Variants in TBL1XR1 observed in about 807,000 individuals in gnomAD.
TBL1XR1 encodes the protein TBL1X/Y related 1.
In TBL1XR1, 5 loss-of-function variants were observed where a neutral mutation model predicts 66.9. The observed-to-expected ratio is 0.07, with a 90% confidence interval of 0.04 to 0.16. The LOEUF (loss-of-function observed/expected upper bound fraction) is 0.16. Ranked by LOEUF, TBL1XR1 falls within the 10% of genes least tolerant of loss-of-function variation. The pLI is 1.00. For synonymous variants in TBL1XR1, 210 were observed against 206.0 expected (o/e 1.02, Z -0.17); for missense variants, 238 against 623.2 (o/e 0.38, Z 6.58).
chr3:177,173,244 C>A, intron 1 of TBL1XR1, among the ~76,000 whole-genome samples: 1 of 152,142 alleles, frequency 6.6e-6, no homozygotes. Flanking sequence ...GTGATTTTAA[C>A]ATATGTCCAC....
chr3:177,152,779 A>AC (rs540142728), intron 1 of TBL1XR1, among the ~76,000 whole-genome samples: 6 of 152,118 alleles, frequency 3.9e-5, no homozygotes, highest in Non-Finnish European at 8.8e-5. Context: ...ATCCCTAATT[A>AC]CCTTATTATT....
rs1712110982 is a variant in TBL1XR1, at chr3:177,019,682, A to G, written c.*5816T>C. The G allele has an allele frequency of 6.6e-6, 1 of 152,202 alleles. No homozygotes were observed. Among genetic ancestry groups the G allele is most frequent in the Non-Finnish European group, 1.5e-5 (1 of 68,026 alleles). The allele number at this position is 152,202 out of a possible 1,614,324, so 9.4% of individuals were successfully genotyped here. ...CTAGGTAATAAATCTAATCCATTGT[A>G]AAGTGTTAACTATGAAATTAAAAAT... On this transcript the variant is annotated 3_prime_UTR_variant, in exon 16 of 16. Transcript: ENST00000457928.
At chr3:177,167,188 T>C (rs1417140923) in intron 1 of TBL1XR1, among the ~76,000 whole-genome samples, 1 of 152,064 alleles carries the variant, frequency 6.6e-6, no homozygotes, top group Non-Finnish European at 1.5e-5. Context: ...TATCAAACCA[T>C]GAAAGGACAT....
intron 1 of TBL1XR1, among the ~76,000 whole-genome samples, chr3:177,111,210 C>T (rs1343313340): frequency 1.3e-5 from 2 of 151,598 alleles, no homozygotes; most frequent in African/African-American, 2.4e-5. Context: ...AATCCACAAA[C>T]GATACAAAAG....
intron 14 of TBL1XR1, among the ~76,000 whole-genome samples, chr3:177,030,106 A>ATG (rs926533880): frequency 2.1e-3 from 311 of 148,040 alleles, no homozygotes; most frequent in East Asian, 0.01. Flanking sequence ...GTGTGTGTGT[A>ATG]TGTGTGTGTG....
At chr3:177,154,846 C>G (rs1324320589) in intron 1 of TBL1XR1, among the ~76,000 whole-genome samples, 5 of 151,942 alleles carry the variant, frequency 3.3e-5, no homozygotes, top group Non-Finnish European at 7.4e-5. Flanking sequence ...AAAAATAATA[C>G]AAAATACTGA....
At chr3:177,026,254 AT>A (rs1298949150) in intron 15 of TBL1XR1, 118 bp downstream of exon 15, 2 of 772,486 alleles carry the variant, frequency 2.6e-6, no homozygotes, top group Non-Finnish European at 4.1e-6. Flanking sequence ...AAAAAAAAAA[AT>A]CAGTATCATA....
chr3:177,140,937 T>C (rs929798610), intron 1 of TBL1XR1, among the ~76,000 whole-genome samples: 4 of 152,204 alleles, frequency 2.6e-5, no homozygotes, highest in South Asian at 2.1e-4. Context: ...TTAGTGTATA[T>C]TATATATGGC....
chr3:177,168,627 A>G (rs1246176725), intron 1 of TBL1XR1, among the ~76,000 whole-genome samples: 1 of 152,118 alleles, frequency 6.6e-6, no homozygotes, highest in Non-Finnish European at 1.5e-5. Context: ...TTTCACAATC[A>G]GTTGTTACTG....
chr3:177,083,625 A>G (rs574508467), intron 2 of TBL1XR1, among the ~76,000 whole-genome samples: 1 of 152,252 alleles, frequency 6.6e-6, no homozygotes, highest in East Asian at 1.9e-4. Flanking sequence ...AACATATAGA[A>G]AAAAAATGAA....
chr3:177,054,108 C>CTTTA (rs1269452649), intron 3 of TBL1XR1, among the ~76,000 whole-genome samples, 190 bp from the exon 4 acceptor site: 1 of 151,726 alleles, frequency 6.6e-6, no homozygotes, highest in Non-Finnish European at 1.5e-5. Flanking sequence ...ACATGTCAGC[C>CTTTA]TTTACATACT....
rs973516587 is a variant in TBL1XR1, at chr3:177,189,625, G to C, written c.-122+7496C>G. 2.2e-5 allele frequency among the ~76,000 whole-genome samples: 3 copies of C among 136,476 alleles called. No individual in the cohort carries two copies. The South Asian group carries it at 6.4e-4, about 29-fold the overall frequency. 89.5% of individuals were successfully genotyped at this position (136,476 alleles called of 152,430 possible). A position where few individuals can be genotyped will look rare whatever the true frequency, so the allele number is the denominator to read the frequency against. On this transcript the variant is annotated intron_variant, in intron 1 of 15. Coordinates refer to ENST00000457928, the MANE Select transcript of TBL1XR1 (RefSeq NM_024665.7). ...AGCGGAGATCACATCCAGCCAGTCT[G>C]GGAGACAGAGCAAGACTCCATCTCA...
At chr3:177,157,648 A>C (rs1009653655) in intron 1 of TBL1XR1, among the ~76,000 whole-genome samples, 1 of 152,192 alleles carries the variant, frequency 6.6e-6, no homozygotes, top group Non-Finnish European at 1.5e-5. Context: ...TGGGAATTAG[A>C]GTATGGATGT....
At chr3:177,189,980 A>C (rs991712907) in intron 1 of TBL1XR1, among the ~76,000 whole-genome samples, 3 of 151,872 alleles carry the variant, frequency 2.0e-5, no homozygotes, top group African/African-American at 7.3e-5. Flanking sequence ...AAGAAAATAA[A>C]GTTCTAGCTG....
intron 1 of TBL1XR1, among the ~76,000 whole-genome samples, chr3:177,101,789 AAAT>A: frequency 6.6e-6 from 1 of 152,346 alleles, no homozygotes; most frequent in East Asian, 1.9e-4. Flanking sequence ...TACTAAGCTG[AAAT>A]AATAGCAATT....
chr3:177,140,309 A>G (rs915642739), intron 1 of TBL1XR1, among the ~76,000 whole-genome samples: 1 of 152,184 alleles, frequency 6.6e-6, no homozygotes, highest in Non-Finnish European at 1.5e-5. Flanking sequence ...CAAAAAAAGA[A>G]AAAAGTACCT....
At chr3:177,093,004 C>T (rs773664488) in intron 2 of TBL1XR1, among the ~76,000 whole-genome samples, 14 of 152,046 alleles carry the variant, frequency 9.2e-5, no homozygotes, top group Non-Finnish European at 1.8e-4. Context: ...GCATCCAAAT[C>T]GGTAAAGAGG....
At position 177,029,931 on chromosome 3, in the gene TBL1XR1, T is replaced by C. The variant is rs188682604; in HGVS notation, c.1416+3040A>G. Among the ~76,000 whole-genome samples, 18 of 152,146 alleles carry C rather than the reference T, an allele frequency of 1.2e-4. 1 individual carries two copies. Among genetic ancestry groups the C allele is most frequent in the Admixed American group, 1.2e-3 (18 of 15,284 alleles). On this transcript the variant is annotated intron_variant, in intron 14 of 15. Coordinates refer to ENST00000457928, the MANE Select transcript of TBL1XR1 (RefSeq NM_024665.7). ...TTTCATATCCATGTAATTGGAAAAA[T>C]GTTCACCAGTCTGATAACCTAAAGA...
At chr3:177,123,131 A>G (rs549097773) in intron 1 of TBL1XR1, among the ~76,000 whole-genome samples, 2 of 152,268 alleles carry the variant, frequency 1.3e-5, no homozygotes, top group South Asian at 4.1e-4. Flanking sequence ...GCAATCTTTA[A>G]GTGGTCCATT....
Sources: gnomAD v4.1 joint callset for allele counts (sites outside exome capture counted in the v4.1 genomes callset) on GRCh38, gnomAD v4.1.1 for gene constraint, MANE v1.5 for transcripts, NCBI Gene and HGNC (gene_info 2026-07-23, HGNC 2026-07-21) for gene names.